Variants in DENND1A observed in about 807,000 individuals in gnomAD.
The protein encoded by DENND1A is DENN domain containing 1A, also known as DENN domain-containing protein 1A.
Under a neutral mutation model 113.7 loss-of-function variants are expected in DENND1A, and 51 were observed. The observed-to-expected ratio is 0.45, with a 90% CI of 0.36 to 0.57. The LOEUF is 0.57. Among genes scored for constraint, DENND1A ranks in the 20% least tolerant of loss-of-function variants. DENND1A has a pLI of 0.00. For missense variants in DENND1A, 1,258 were observed against 1,395.9 expected (o/e 0.90, Z 1.57); for synonymous variants, 565 against 570.8 (o/e 0.99, Z 0.14).
Position 123,671,287 on chromosome 9 carries a change from T to C in DENND1A, c.453+4A>G. ...AGTGATGGCTAATACTCCGCCCCAC[T>C]TACCACGCTGAGATGGACAGACACT... is the stretch of plus-strand genomic sequence containing the variant. On this transcript the variant is annotated splice_donor_region_variant and intron_variant, in intron 7 of 23. Coordinates refer to ENST00000394215, the MANE Select transcript of DENND1A (RefSeq NM_001352964.2). The C allele has an allele frequency of 6.2e-7, 1 of 1,614,006 alleles. No individual in the cohort carries two copies. The highest frequency in any genetic ancestry group is 8.5e-7 in the Non-Finnish European group (1 of 1,179,976).
intron 5 of DENND1A, among the ~76,000 whole-genome samples, chr9:123,755,550 C>A (rs574447444): frequency 6.6e-6 from 1 of 151,790 alleles, no homozygotes; most frequent in Admixed American, 6.6e-5. Flanking sequence ...AGTGAGCCCA[C>A]GTGCCTGGCC....
chr9:123,717,283 TC>T (rs1182149187), intron 5 of DENND1A, among the ~76,000 whole-genome samples: 2 of 152,158 alleles, frequency 1.3e-5, no homozygotes, highest in Non-Finnish European at 2.9e-5. Context: ...ACCACTGCAG[TC>T]CTGTTTGTTG....
intron 5 of DENND1A, among the ~76,000 whole-genome samples, chr9:123,693,875 G>T (rs1048943949): frequency 6.7e-6 from 1 of 149,840 alleles, no homozygotes; most frequent in Non-Finnish European, 1.5e-5. Flanking sequence ...TTCACCAGGC[G>T]GGAGTGCAGT....
At chr9:123,613,375 A>G (rs554225884) in intron 10 of DENND1A, among the ~76,000 whole-genome samples, 1 of 152,298 alleles carries the variant, frequency 6.6e-6, no homozygotes, top group South Asian at 2.1e-4. Context: ...TCAGAATCCA[A>G]CACATCTGAA....
chr9:123,787,169 C>A (rs1832312573), intron 3 of DENND1A, among the ~76,000 whole-genome samples: 1 of 151,392 alleles, frequency 6.6e-6, no homozygotes. Context: ...AATAATGATG[C>A]AAAAAAAATC....
chr9:123,470,746 A>T (rs2049345329), intron 13 of DENND1A, among the ~76,000 whole-genome samples: 2 of 152,160 alleles, frequency 1.3e-5, no homozygotes, highest in Admixed American at 1.3e-4. Context: ...TGTGCTGCCC[A>T]CCCATCGCTT....
At chr9:123,745,382 C>T (rs746336962) in intron 5 of DENND1A, among the ~76,000 whole-genome samples, 4 of 152,198 alleles carry the variant, frequency 2.6e-5, no homozygotes, top group Non-Finnish European at 5.9e-5. Flanking sequence ...ATCTCATGGG[C>T]TTTGAGAAAA....
rs58661001 is a variant in DENND1A at position 123,698,386 on chromosome 9, C to T, written c.303-21597G>A. Among the ~76,000 whole-genome samples the T allele has an allele frequency of 5.9e-3, 905 of 152,290 alleles. 9 individuals are homozygous for T. The highest frequency in any genetic ancestry group is 0.021 in the African/African-American group (859 of 41,548). On this transcript the variant is annotated intron_variant, in intron 5 of 23. Transcript: ENST00000394215. ...AAATCTCTCTAGCTTCAAGGCTATA[C>T]CACAAGTGTAGTAGTACTGCCCCCT... is the stretch of plus-strand genomic sequence containing the variant.
At chr9:123,839,085 G>A (rs532986157) in intron 2 of DENND1A, among the ~76,000 whole-genome samples, 2 of 152,282 alleles carry the variant, frequency 1.3e-5, no homozygotes, top group African/African-American at 4.8e-5. Context: ...TGAGCCACAC[G>A]CTCGAATCGA....
At chr9:123,775,684 G>A (rs1224036850) in intron 3 of DENND1A, among the ~76,000 whole-genome samples, 1 of 152,136 alleles carries the variant, frequency 6.6e-6, no homozygotes, top group Non-Finnish European at 1.5e-5. Flanking sequence ...CAAGCTCAAA[G>A]TCCTTGAATT....
chr9:123,607,572 G>C (rs1233053195), intron 11 of DENND1A, among the ~76,000 whole-genome samples: 4 of 136,586 alleles, frequency 2.9e-5, no homozygotes, highest in Non-Finnish European at 6.4e-5. Flanking sequence ...GTGTGTGTGT[G>C]TGTGTGTGCA....
intron 5 of DENND1A, among the ~76,000 whole-genome samples, chr9:123,729,947 T>TCTA (rs2068036386): frequency 2.0e-5 from 3 of 152,066 alleles, no homozygotes; most frequent in Non-Finnish European, 4.4e-5. Flanking sequence ...GCCTTAGAAA[T>TCTA]CATGCCACAC....
At chr9:123,834,924 T>C (rs1840825239) in intron 2 of DENND1A, among the ~76,000 whole-genome samples, 1 of 152,142 alleles carries the variant, frequency 6.6e-6, no homozygotes, top group Admixed American at 6.5e-5. Context: ...AGGTAGTTTT[T>C]CATGAGATAT....
chr9:123,590,338 C>A (rs1002504288), intron 11 of DENND1A, among the ~76,000 whole-genome samples: 1 of 152,134 alleles, frequency 6.6e-6, no homozygotes, highest in Non-Finnish European at 1.5e-5. Context: ...TGCCCAAGAG[C>A]AGACAATTCG....
chr9:123,780,707 A>G (rs1831181286), intron 3 of DENND1A, among the ~76,000 whole-genome samples: 1 of 152,228 alleles, frequency 6.6e-6, no homozygotes, highest in African/African-American at 2.4e-5. Context: ...ATATATATAA[A>G]GTATCTAAAT....
intron 12 of DENND1A, among the ~76,000 whole-genome samples, chr9:123,565,835 C>T (rs1375474898): frequency 6.6e-6 from 1 of 152,142 alleles, no homozygotes; most frequent in Non-Finnish European, 1.5e-5. Context: ...CTTAATATGT[C>T]AAAGCAATAA....
At chr9:123,896,349 AC>A (rs1362176363) in intron 1 of DENND1A, among the ~76,000 whole-genome samples, 16 of 151,674 alleles carry the variant, frequency 1.1e-4, no homozygotes, top group African/African-American at 3.9e-4. Context: ...AAAACCCTCA[AC>A]CCCAGAATTT....
chr9:123,534,569 T>C (rs1394326665), intron 13 of DENND1A, among the ~76,000 whole-genome samples: 1 of 152,234 alleles, frequency 6.6e-6, no homozygotes, highest in Non-Finnish European at 1.5e-5. Context: ...TTTTCCAAAA[T>C]TCTGGTACCA....
intron 4 of DENND1A, among the ~76,000 whole-genome samples, chr9:123,766,003 T>A (rs1432419399): frequency 5.3e-5 from 8 of 152,178 alleles, no homozygotes; most frequent in Non-Finnish European, 1.0e-4. Context: ...CAGATGAATT[T>A]CAGTTTTAAA....
Sources: allele counts gnomAD v4.1 joint callset (sites outside exome capture counted in the v4.1 genomes callset), GRCh38; gene constraint gnomAD v4.1.1; transcripts MANE v1.5; gene names NCBI Gene and HGNC (gene_info 2026-07-23, HGNC 2026-07-21).